The following SLC24A2 variants were observed in gnomAD, a reference collection of about 807,000 sequenced individuals.
The protein encoded by SLC24A2 is solute carrier family 24 member 2.
A neutral mutation model predicts 62.0 loss-of-function variants in SLC24A2; 36 were observed. The observed-to-expected ratio is 0.58, with a 90% confidence interval of 0.44 to 0.77. SLC24A2 has a LOEUF of 0.77. Ranked by LOEUF, SLC24A2 falls within the 30% of genes least tolerant of loss-of-function variation. The pLI is 0.00. For missense variants in SLC24A2, 846 were observed against 817.9 expected (o/e 1.03, Z -0.42); for synonymous variants, 358 against 294.0 (o/e 1.22, Z -2.23).
At chr9:19,544,982 G>T (rs1277064121) in intron 8 of SLC24A2, among the ~76,000 whole-genome samples, 10 of 152,162 alleles carry the variant, frequency 6.6e-5, no homozygotes, top group Admixed American at 6.5e-4. Context: ...TGTCTTGCTA[G>T]GTTGGGGAAC....
the SLC24A2 span, among the ~76,000 whole-genome samples, chr9:20,168,250 A>C: frequency 6.6e-6 from 1 of 152,048 alleles, no homozygotes; most frequent in South Asian, 2.1e-4. Flanking sequence ...GATAAAGAGT[A>C]TAATTGGACA....
intron 7 of SLC24A2, among the ~76,000 whole-genome samples, chr9:19,566,758 C>T (rs775857726): frequency 8.5e-5 from 13 of 152,176 alleles, no homozygotes; most frequent in Non-Finnish European, 1.5e-4. Context: ...GGCACATATA[C>T]ACCATGGAAT....
At chr9:19,785,317 A>G (rs941853349) in intron 2 of SLC24A2, among the ~76,000 whole-genome samples, 1 of 152,222 alleles carries the variant, frequency 6.6e-6, no homozygotes, top group African/African-American at 2.4e-5. Flanking sequence ...ATTGTGATGC[A>G]GAGGCAGATG....
intron 5 of SLC24A2, among the ~76,000 whole-genome samples, chr9:19,595,756 A>G (rs1380581089): frequency 6.6e-6 from 1 of 152,200 alleles, no homozygotes; most frequent in Non-Finnish European, 1.5e-5. Flanking sequence ...CGTAGGAGGT[A>G]GGACATTAAT....
chr9:19,562,999 G>A (rs1435866883), intron 7 of SLC24A2, among the ~76,000 whole-genome samples: 2 of 152,168 alleles, frequency 1.3e-5, no homozygotes, highest in Admixed American at 6.5e-5. Context: ...CTAGGTACTT[G>A]TGAAGCTGAG....
the SLC24A2 span, among the ~76,000 whole-genome samples, chr9:20,288,903 A>C: frequency 6.6e-6 from 1 of 152,186 alleles, no homozygotes; most frequent in Non-Finnish European, 1.5e-5. Context: ...TGAAGAGGTC[A>C]TATGTAGGTG....
At chr9:20,089,215 G>C in the SLC24A2 span, among the ~76,000 whole-genome samples, 1 of 152,088 alleles carries the variant, frequency 6.6e-6, no homozygotes, top group South Asian at 2.1e-4. Flanking sequence ...TGGACCCCCA[G>C]CACAGAACAC....
At chr9:20,105,696 G>A in the SLC24A2 span, among the ~76,000 whole-genome samples, 1 of 151,868 alleles carries the variant, frequency 6.6e-6, no homozygotes, top group Admixed American at 6.6e-5. Context: ...CGCATTCAAA[G>A]CAGTGTGTAG....
At chr9:20,105,267 T>A in the SLC24A2 span, among the ~76,000 whole-genome samples, 12 of 148,512 alleles carry the variant, frequency 8.1e-5, no homozygotes, top group African/African-American at 2.0e-4. Context: ...TAACACCCCA[T>A]TGTCAACATT....
chr9:19,928,407 T>C, the SLC24A2 span: 1 of 152,310 alleles, frequency 6.6e-6, no homozygotes, highest in South Asian at 2.1e-4. Context: ...GTTAAAAGTG[T>C]AAGCTCTGGA....
At chr9:19,944,169 C>G in the SLC24A2 span, among the ~76,000 whole-genome samples, 3 of 152,044 alleles carry the variant, frequency 2.0e-5, no homozygotes, top group South Asian at 6.2e-4. Flanking sequence ...ATGCTCAGCA[C>G]CTAGGTCCAA....
the SLC24A2 span, among the ~76,000 whole-genome samples, chr9:20,007,765 C>A: frequency 2.6e-5 from 4 of 151,510 alleles, no homozygotes; most frequent in Non-Finnish European, 5.9e-5. Context: ...AGTCTAATCC[C>A]AAAACTATTA....
At chr9:20,282,794 A>G in the SLC24A2 span, among the ~76,000 whole-genome samples, 1 of 152,210 alleles carries the variant, frequency 6.6e-6, no homozygotes, top group East Asian at 1.9e-4. Context: ...ATACTTTTTC[A>G]TCAGTTAATA....
At chr9:19,536,188 A>T (rs532319997) in intron 8 of SLC24A2, among the ~76,000 whole-genome samples, 57 of 138,728 alleles carry the variant, frequency 4.1e-4, no homozygotes, top group African/African-American at 1.4e-3. Flanking sequence ...CTTTTTTTTT[A>T]ATTTTTTATT....
the SLC24A2 span, among the ~76,000 whole-genome samples, chr9:20,103,013 T>C: frequency 1.3e-4 from 20 of 152,256 alleles, no homozygotes; most frequent in African/African-American, 3.9e-4. Flanking sequence ...GCTTTTCCGA[T>C]GGGCTTAAAA....
the SLC24A2 span, among the ~76,000 whole-genome samples, chr9:20,303,195 G>C: frequency 6.6e-6 from 1 of 151,912 alleles, no homozygotes; most frequent in Non-Finnish European, 1.5e-5. Flanking sequence ...CGGGAGTACA[G>C]TTACTATCCC....
At chr9:20,166,146 G>A in the SLC24A2 span, among the ~76,000 whole-genome samples, 1 of 152,028 alleles carries the variant, frequency 6.6e-6, no homozygotes, top group Non-Finnish European at 1.5e-5. Context: ...GCAAAGCTCT[G>A]GGGAAACAAG....
chr9:20,013,495 G>A, the SLC24A2 span, among the ~76,000 whole-genome samples: 1 of 152,240 alleles, frequency 6.6e-6, no homozygotes, highest in East Asian at 1.9e-4. Context: ...TCATGACATT[G>A]GTCTGGGCAA....
the SLC24A2 span, among the ~76,000 whole-genome samples, chr9:19,904,834 T>C: frequency 1.3e-5 from 2 of 152,164 alleles, no homozygotes; most frequent in African/African-American, 4.8e-5. Context: ...TTTTTTGCTT[T>C]TTTCTGCCCT....
Sources: allele counts gnomAD v4.1 joint callset (sites outside exome capture counted in the v4.1 genomes callset), GRCh38; gene constraint gnomAD v4.1.1; transcripts MANE v1.5; gene names NCBI Gene and HGNC (gene_info 2026-07-23, HGNC 2026-07-21).